Variants in NELL1 observed in about 807,000 individuals in gnomAD.
NELL1 encodes the protein protein kinase C-binding protein NELL1.
Under a neutral mutation model 107.4 loss-of-function variants are expected in NELL1, and 76 were observed. That is an observed-to-expected ratio of 0.71 (90% CI 0.59 to 0.86). The LOEUF (loss-of-function observed/expected upper bound fraction) is 0.86, where lower values mean the gene tolerates loss of function less well. Among genes scored for constraint, NELL1 ranks in the 40% least tolerant of loss-of-function variants. The pLI, the probability that NELL1 is intolerant of heterozygous loss-of-function variation, is 0.00. For synonymous variants in NELL1, 353 were observed against 341.2 expected, an observed-to-expected ratio of 1.03 and a Z score of -0.38; for missense variants, 1,024 against 1,005.5, an observed-to-expected ratio of 1.02 and a Z score of -0.25.
At chr11:21,390,045 A>G (rs939697943) in intron 15 of NELL1, among the ~76,000 whole-genome samples, 1 of 151,800 alleles carries the variant, frequency 6.6e-6, no homozygotes, top group Non-Finnish European at 1.5e-5. Flanking sequence ...TTCCAATTGC[A>G]TTGTAATTTT....
chr11:20,956,309 A>T (rs181796458), intron 11 of NELL1, among the ~76,000 whole-genome samples: 1 of 152,276 alleles, frequency 6.6e-6, no homozygotes, highest in Non-Finnish European at 1.5e-5. Context: ...ACCCTGTATA[A>T]CAACTCATCT....
chr11:21,352,546 TAAAAC>T (rs1342634971), intron 14 of NELL1, among the ~76,000 whole-genome samples: 3 of 152,156 alleles, frequency 2.0e-5, no homozygotes, highest in Non-Finnish European at 4.4e-5. Context: ...CAATATTACT[TAAAAC>T]AGATTACAAA....
chr11:21,250,741 A>C (rs1318706724), intron 14 of NELL1, among the ~76,000 whole-genome samples: 1 of 152,188 alleles, frequency 6.6e-6, no homozygotes, highest in Non-Finnish European at 1.5e-5. Flanking sequence ...GAATAAAGAG[A>C]AATAAGTGAA....
At chr11:21,543,896 T>G (rs1366737733) in intron 16 of NELL1, among the ~76,000 whole-genome samples, 1 of 151,984 alleles carries the variant, frequency 6.6e-6, no homozygotes, top group African/African-American at 2.4e-5. Context: ...TATAAGTTGT[T>G]TTCTATGTGT....
chr11:21,051,938 A>G (rs906626218), intron 12 of NELL1, among the ~76,000 whole-genome samples: 8 of 152,156 alleles, frequency 5.3e-5, no homozygotes, highest in Admixed American at 2.6e-4. Context: ...AGTACATTGT[A>G]TAGTATGTTA....
intron 15 of NELL1, among the ~76,000 whole-genome samples, chr11:21,528,986 C>T (rs1439851105): frequency 6.6e-6 from 1 of 151,926 alleles, no homozygotes; most frequent in Non-Finnish European, 1.5e-5. Flanking sequence ...ACAGTCTTTT[C>T]CCTGAATATG....
chr11:21,471,833 A>C (rs945911669), intron 15 of NELL1, among the ~76,000 whole-genome samples: 1 of 152,118 alleles, frequency 6.6e-6, no homozygotes, highest in African/African-American at 2.4e-5. Context: ...TATTATGCAT[A>C]CATGCATGCA....
intron 14 of NELL1, among the ~76,000 whole-genome samples, chr11:21,340,917 A>T (rs887097998): frequency 2.0e-5 from 3 of 152,158 alleles, no homozygotes; most frequent in African/African-American, 7.2e-5. Flanking sequence ...TTATGGCAAC[A>T]CTAGTAAATC....
chr11:20,878,496 A>C (rs938854833), intron 4 of NELL1, among the ~76,000 whole-genome samples: 3 of 148,652 alleles, frequency 2.0e-5, no homozygotes, highest in African/African-American at 7.8e-5. Context: ...CAAATTTTCT[A>C]TCTCTATCTC....
At chr11:21,047,466 T>G (rs1382842943) in intron 12 of NELL1, among the ~76,000 whole-genome samples, 1 of 152,230 alleles carries the variant, frequency 6.6e-6, no homozygotes, top group East Asian at 1.9e-4. Flanking sequence ...TGATGTCATG[T>G]AATATGCTAA....
At chr11:21,207,490 A>G (rs1857414016) in intron 13 of NELL1, among the ~76,000 whole-genome samples, 2 of 152,272 alleles carry the variant, frequency 1.3e-5, no homozygotes, top group South Asian at 4.1e-4. Context: ...TTAGAAACAG[A>G]CCCACATCAC....
At position 21,059,063 on chromosome 11, in the gene NELL1, A is replaced by G. The variant is rs1853675239; in HGVS notation, c.1301-54526A>G. Among the ~76,000 whole-genome samples, 3 of 152,098 alleles carry G rather than the reference A, an allele frequency of 2.0e-5. No homozygotes were observed. In the South Asian group the frequency reaches 6.2e-4, roughly 32 times the overall value. On this transcript the variant is annotated intron_variant, in intron 12 of 19. Coordinates refer to ENST00000357134, the MANE Select transcript of NELL1 (RefSeq NM_006157.5). ...TTGGCCTTTACATTCTCAACACTTA[A>G]TAATATACTGGGCACAGGATGAATT... is the stretch of plus-strand genomic sequence containing the variant.
chr11:21,364,457 A>C (rs1851167539), intron 14 of NELL1, among the ~76,000 whole-genome samples: 1 of 149,038 alleles, frequency 6.7e-6, no homozygotes, highest in Non-Finnish European at 1.5e-5. Context: ...CCCCTATCCT[A>C]TCACAAAATG....
intron 2 of NELL1, among the ~76,000 whole-genome samples, chr11:20,769,049 G>C (rs78351905): frequency 1.2e-3 from 185 of 152,170 alleles, no homozygotes; most frequent in African/African-American, 4.2e-3. Context: ...TTGCTACATG[G>C]GATAGAGAGA....
At chr11:21,376,140 G>A (rs1031103317) in intron 15 of NELL1, among the ~76,000 whole-genome samples, 4 of 80,044 alleles carry the variant, frequency 5.0e-5, no homozygotes, top group African/African-American at 2.6e-4. Context: ...TGTCCATAGT[G>A]GTGTTTTCTA....
At chr11:21,221,719 G>T (rs1017996357) in intron 13 of NELL1, among the ~76,000 whole-genome samples, 1 of 152,106 alleles carries the variant, frequency 6.6e-6, no homozygotes, top group South Asian at 2.1e-4. Context: ...TTCAGGCAAG[G>T]TCTCACTCTG....
chr11:21,271,709 G>A (rs1174317179), intron 14 of NELL1, among the ~76,000 whole-genome samples: 2 of 152,050 alleles, frequency 1.3e-5, no homozygotes, highest in Admixed American at 6.5e-5. Context: ...CATGAACATA[G>A]ATGCAAAAAT....
intron 4 of NELL1, among the ~76,000 whole-genome samples, chr11:20,871,412 A>G (rs1433959668): frequency 6.6e-6 from 1 of 152,202 alleles, no homozygotes; most frequent in Non-Finnish European, 1.5e-5. Flanking sequence ...CTAAGAGGAC[A>G]GGGATATAAT....
chr11:21,378,136 A>G (rs1396870874), intron 15 of NELL1, among the ~76,000 whole-genome samples: 1 of 151,888 alleles, frequency 6.6e-6, no homozygotes, highest in East Asian at 1.9e-4. Flanking sequence ...AAAAGTCTCT[A>G]GTAAAATTAA....
Sources: gnomAD v4.1 joint callset for allele counts (sites outside exome capture counted in the v4.1 genomes callset) on GRCh38, gnomAD v4.1.1 for gene constraint, MANE v1.5 for transcripts, NCBI Gene and HGNC (gene_info 2026-07-23, HGNC 2026-07-21) for gene names.